KPNB1: variants seen among roughly 807,000 people sequenced by gnomAD.
The protein encoded by KPNB1 is karyopherin subunit beta 1.
Under a neutral mutation model 113.0 loss-of-function variants are expected in KPNB1, and 7 were observed. That is an observed-to-expected ratio of 0.06 (90% confidence interval 0.04 to 0.12). The LOEUF (loss-of-function observed/expected upper bound fraction) is 0.12, where lower values mean the gene tolerates loss of function less well. Among genes scored for constraint, KPNB1 ranks in the 10% least tolerant of loss-of-function variants. KPNB1 has a pLI of 1.00. For synonymous variants in KPNB1, 363 were observed against 378.6 expected (o/e 0.96, Z 0.48); for missense variants, 400 against 1,054.8 (o/e 0.38, Z 8.60).
chr17:47,661,452 A>AT, intron 6 of KPNB1, among the ~76,000 whole-genome samples: 1 of 152,186 alleles, frequency 6.6e-6, no homozygotes, highest in Non-Finnish European at 1.5e-5. Context: ...ATAAAAAAAA[A>AT]TTAGCTGGGT....
intron 12 of KPNB1, chr17:47,671,699 T>A (rs1299959059): frequency 1.3e-5 from 2 of 151,980 alleles, no homozygotes; most frequent in Non-Finnish European, 2.9e-5. Flanking sequence ...GGCTAATTTT[T>A]GTATTTTTAG....
chr17:47,668,109 A>C, intron 9 of KPNB1, 77 bp from the exon 10 acceptor site: 1 of 1,115,302 alleles, frequency 9.0e-7, no homozygotes, highest in South Asian at 1.4e-5. Flanking sequence ...AAAGACATTC[A>C]AGAGTAGTCA....
At chr17:47,677,289 T>A (rs1442574983) in intron 17 of KPNB1, among the ~76,000 whole-genome samples, 162 bp downstream of exon 17, 1 of 151,712 alleles carries the variant, frequency 6.6e-6, no homozygotes, top group Admixed American at 6.6e-5. Flanking sequence ...GACAACATGG[T>A]GAAACCCCGT....
chr17:47,669,739 C>G lies in KPNB1; in HGVS notation c.1286C>G (p.Ala429Gly). ...AGTGTAGTTGTTCGAGATACAGCTG[C>G]ATGGACTGTAGGCAGAATTTGTGAG... ...DPSVVVRDTA[A>G]WTVGRICELL... The change falls in exon 11 of 22, where the codon GCA becomes GGA. Residue 429 changes from alanine to glycine, a missense_variant. Physicochemically the swap from Ala to Gly is moderately conservative, Grantham distance 60. Transcript: ENST00000290158. 1 of 1,614,066 alleles carries G rather than the reference C, an allele frequency of 6.2e-7. No homozygotes were observed. The highest frequency in any genetic ancestry group is 8.5e-7 in the Non-Finnish European group (1 of 1,179,920).
chr17:47,664,039 C>T (rs1225982067), intron 7 of KPNB1, 120 bp from the exon 8 acceptor site: 1 of 637,958 alleles, frequency 1.6e-6, no homozygotes, highest in Non-Finnish European at 2.8e-6. Context: ...TCTTTCAAGC[C>T]TAGCTTCCTT....
In KPNB1 at chr17:47,682,574, C is replaced by T; in HGVS notation, c.*170C>T. The stretch of plus-strand genomic sequence containing the variant: ...GAAAATCCTGCCACAGCAGCAGCCG[C>T]AGCCGCCAACAGCAGCGCTGTTAGT... On this transcript the variant is annotated 3_prime_UTR_variant, in exon 22 of 22. Coordinates refer to ENST00000290158, the MANE Select transcript of KPNB1 (RefSeq NM_002265.6). 1 of 639,620 alleles carries T rather than the reference C, an allele frequency of 1.6e-6. No individual in the cohort carries two copies. The highest frequency in any genetic ancestry group is 2.8e-6 in the Non-Finnish European group (1 of 352,246). The allele number at this position is 639,620 out of a possible 1,614,324, so 39.6% of individuals were successfully genotyped here.
rs1273274469 is a variant in KPNB1, at chr17:47,683,140, G to A, written c.*736G>A. On this transcript the variant is annotated 3_prime_UTR_variant, in exon 22 of 22. Coordinates refer to ENST00000290158, the MANE Select transcript of KPNB1 (RefSeq NM_002265.6). The stretch of plus-strand genomic sequence containing the variant: ...AAAAACACACACACAGAGGAAAGAC[G>A]CTCTTTAGGTTTTGTTTTGTTTTTT... The A allele has an allele frequency of 1.6e-5, 2 of 128,982 alleles. No homozygotes were observed. Among genetic ancestry groups the A allele is most frequent in the Non-Finnish European group, 3.2e-5 (2 of 62,446 alleles). 8.0% of individuals were successfully genotyped at this position (128,982 alleles called of 1,614,324 possible).
intron 9 of KPNB1, among the ~76,000 whole-genome samples, chr17:47,666,497 TATA>T (rs958444782): frequency 9.9e-5 from 14 of 141,994 alleles, no homozygotes; most frequent in East Asian, 2.1e-4. Context: ...ATATATTTTA[TATA>T]ATGTTATATA....
chr17:47,678,476 T>C (rs1338847512), intron 19 of KPNB1, 63 bp downstream of exon 19: 2 of 1,137,360 alleles, frequency 1.8e-6, no homozygotes, highest in African/African-American at 1.5e-5. Context: ...AAGTGGGCTA[T>C]GTCTGTCATT....
rs139770498 is a variant in KPNB1 at position 47,678,346 on chromosome 17, G to A, written c.2286G>A (p.Arg762=). ...YDMVDYLNEL[R]ESCLEAYTGI... ...TGGTGGATTATCTGAATGAGCTAAGGGAAAGCTGCTTGGAAGCCTATACTG... is the reference window on the plus strand; with the variant it reads ...TGGTGGATTATCTGAATGAGCTAAGAGAAAGCTGCTTGGAAGCCTATACTG... Residue 762 remains arginine (R), a synonymous_variant, in exon 19 of 22, where the codon AGG becomes AGA. Transcript: ENST00000290158. 119 of 1,614,174 alleles carry A rather than the reference G, an allele frequency of 7.4e-5. No homozygotes were observed. The African/African-American group carries it at 1.5e-3, about 20-fold the overall frequency.
rs1427426945 is a variant in KPNB1, at chr17:47,654,672, G to A, written c.282+1796G>A. ...TAAACAGAAAACTTTTAGTACTCAGGAGGTGGACATCCGTAGTTTCTAAAT... is the reference window on the plus strand; with the variant it reads ...TAAACAGAAAACTTTTAGTACTCAGAAGGTGGACATCCGTAGTTTCTAAAT... On this transcript the variant is annotated intron_variant, in intron 3 of 21. Coordinates refer to ENST00000290158, the MANE Select transcript of KPNB1 (RefSeq NM_002265.6). Among the ~76,000 whole-genome samples, 7 of 152,240 alleles carry A rather than the reference G, an allele frequency of 4.6e-5. No individual in the cohort carries two copies. The East Asian group carries it at 1.4e-3, about 29-fold the overall frequency.
In KPNB1 at chr17:47,685,314, C is replaced by T. The variant is rs1406092948; in HGVS notation, c.*2910C>T. The T allele has an allele frequency of 6.6e-6, 1 of 152,100 alleles. No individual in the cohort carries two copies. The highest frequency in any genetic ancestry group is 2.4e-5 in the African/African-American group (1 of 41,402). 9.4% of individuals were successfully genotyped at this position (152,100 alleles called of 1,614,324 possible). Reference sequence around the variant, plus strand: ...AGTCCAACTTTAAGAAAAATCCAAACTCATCAGCTTTTGATAGCATCTTGG... The same window carrying T: ...AGTCCAACTTTAAGAAAAATCCAAATTCATCAGCTTTTGATAGCATCTTGG... On this transcript the variant is annotated 3_prime_UTR_variant, in exon 22 of 22. Transcript: ENST00000290158.
chr17:47,676,274 C>T (rs764584554), intron 15 of KPNB1, 135 bp from the exon 16 acceptor site: 10 of 658,118 alleles, frequency 1.5e-5, no homozygotes, highest in East Asian at 2.7e-5. Context: ...ATGATGGAAT[C>T]GGTAACTAAA....
chr17:47,673,633 G>T, intron 14 of KPNB1, 72 bp downstream of exon 14: 2 of 1,169,158 alleles, frequency 1.7e-6, no homozygotes, highest in Admixed American at 1.7e-5. Context: ...ACAAGTTCGT[G>T]TACACACAGA....
intron 19 of KPNB1, among the ~76,000 whole-genome samples, chr17:47,679,221 C>T (rs1022438765): frequency 9.2e-4 from 140 of 152,300 alleles, no homozygotes; most frequent in African/African-American, 3.0e-3. Context: ...CCACTGCACC[C>T]AGCCCTCTGC....
At chr17:47,655,895 T>G (rs1915703839) in intron 3 of KPNB1, among the ~76,000 whole-genome samples, 1 of 152,182 alleles carries the variant, frequency 6.6e-6, no homozygotes, top group Non-Finnish European at 1.5e-5. Context: ...CAGTGTTGAT[T>G]ATGCTGATGT....
At position 47,649,966 on chromosome 17, in the gene KPNB1, T is replaced by A. The variant is rs1915476388; in HGVS notation, c.-279T>A. ...ACTCACAGCCTCCCTTCCTTCTTTC[T>A]CCCTCCGCCTCCCGAGCACCAGCGC... On this transcript the variant is annotated 5_prime_UTR_variant, in exon 1 of 22. Transcript: ENST00000290158. 7.6e-7 allele frequency: 1 copy of A among 1,318,042 alleles called. No homozygotes were observed. The highest frequency in any genetic ancestry group is 4.0e-5 in the Admixed American group (1 of 25,192). 81.6% of individuals were successfully genotyped at this position (1,318,042 alleles called of 1,614,324 possible).
chr17:47,675,367 T>TTG (rs2030574418), intron 15 of KPNB1, among the ~76,000 whole-genome samples: 2 of 111,610 alleles, frequency 1.8e-5, no homozygotes, highest in African/African-American at 4.1e-5. Flanking sequence ...TGTTGTTTTT[T>TTG]TTTTGTTTTT....
chr17:47,660,745 G>A (rs753432203), intron 5 of KPNB1, among the ~76,000 whole-genome samples: 1 of 152,188 alleles, frequency 6.6e-6, no homozygotes, highest in Non-Finnish European at 1.5e-5. Context: ...AAATAAAGCA[G>A]ATGTTTTGAA....
Sources: allele counts gnomAD v4.1 joint callset (sites outside exome capture counted in the v4.1 genomes callset), GRCh38; gene constraint gnomAD v4.1.1; transcripts MANE v1.5; gene names NCBI Gene and HGNC (gene_info 2026-07-23, HGNC 2026-07-21).